The following CORO1C variants were observed in gnomAD, a reference collection of about 807,000 sequenced individuals.
The protein encoded by CORO1C is coronin-1C.
In CORO1C, 14 loss-of-function variants were observed where a neutral mutation model predicts 51.2. The ratio of observed to expected loss-of-function variants is 0.27; its 90% CI spans 0.18 to 0.43. The LOEUF (loss-of-function observed/expected upper bound fraction) is 0.43. Among genes scored for constraint, CORO1C ranks in the 20% least tolerant of loss-of-function variants. CORO1C has a pLI of 1.00. For synonymous variants in CORO1C, 181 were observed against 210.5 expected, an observed-to-expected ratio of 0.86 and a Z score of 1.21; for missense variants, 417 against 607.8, an observed-to-expected ratio of 0.69 and a Z score of 3.30.
intron 2 of CORO1C, among the ~76,000 whole-genome samples, chr12:108,693,737 A>G (rs1346128177): frequency 6.6e-6 from 1 of 152,210 alleles, no homozygotes; most frequent in Non-Finnish European, 1.5e-5. Flanking sequence ...GAATGTGCCT[A>G]CCACCTACTT....
chr12:108,655,404 C>T (rs982994725), intron 6 of CORO1C, among the ~76,000 whole-genome samples: 21 of 150,450 alleles, frequency 1.4e-4, no homozygotes, highest in Non-Finnish European at 2.7e-4. Context: ...TCTCCCTCTC[C>T]CTCTCTTTCC....
intron 1 of CORO1C, among the ~76,000 whole-genome samples, chr12:108,705,459 CAA>C (rs1163703701): frequency 4.1e-4 from 26 of 63,396 alleles, no homozygotes; most frequent in East Asian, 5.7e-4. Flanking sequence ...GACCCTGTCT[CAA>C]AAAAAAAAAA....
At chr12:108,728,498 A>G (rs1182373183) in intron 1 of CORO1C, among the ~76,000 whole-genome samples, 1 of 152,026 alleles carries the variant, frequency 6.6e-6, no homozygotes, top group Non-Finnish European at 1.5e-5. Flanking sequence ...TTTGGGGGGG[A>G]TGAAAATGTT....
At chr12:108,655,679 G>A (rs1016807373) in intron 6 of CORO1C, among the ~76,000 whole-genome samples, 53 of 152,244 alleles carry the variant, frequency 3.5e-4, no homozygotes, top group African/African-American at 1.2e-3. Context: ...CGTTCACTCA[G>A]TGCTCAATGT....
chr12:108,666,592 T>C (rs1397136750), intron 3 of CORO1C, among the ~76,000 whole-genome samples: 4 of 152,198 alleles, frequency 2.6e-5, no homozygotes, highest in East Asian at 1.9e-4. Context: ...CTGATGTTCC[T>C]GCAGCTCAGG....
intron 1 of CORO1C, among the ~76,000 whole-genome samples, chr12:108,704,747 G>T (rs1261952550): frequency 1.3e-5 from 2 of 152,198 alleles, no homozygotes; most frequent in Non-Finnish European, 2.9e-5. Flanking sequence ...TTCTTGCACA[G>T]AATGTCTCAG....
intron 1 of CORO1C, among the ~76,000 whole-genome samples, chr12:108,719,715 G>A (rs76900183): frequency 4.6e-5 from 7 of 152,244 alleles, no homozygotes; most frequent in African/African-American, 1.4e-4. Flanking sequence ...TGACAATAGC[G>A]CATTAAAGGA....
At chr12:108,696,542 A>G (rs2034692223) in intron 2 of CORO1C, 1 of 152,210 alleles carries the variant, frequency 6.6e-6, no homozygotes, top group Admixed American at 6.5e-5. Flanking sequence ...TCCACAAAGG[A>G]AAGGCTTATT....
intron 1 of CORO1C, among the ~76,000 whole-genome samples, chr12:108,726,939 G>A (rs2035607446): frequency 6.6e-6 from 1 of 152,166 alleles, no homozygotes; most frequent in South Asian, 2.1e-4. Flanking sequence ...GCACTTTTTG[G>A]TAAGAGCTGG....
chr12:108,693,829 G>T (rs972732677), intron 2 of CORO1C, among the ~76,000 whole-genome samples: 1 of 151,822 alleles, frequency 6.6e-6, no homozygotes, highest in African/African-American at 2.4e-5. Context: ...TTCATCTTTA[G>T]CTCCTACGCA....
intron 1 of CORO1C, among the ~76,000 whole-genome samples, chr12:108,721,989 AC>A (rs3837483): frequency 0.062 from 9,419 of 152,226 alleles, 534 homozygotes; most frequent in East Asian, 0.32. Context: ...GACAGGAAGA[AC>A]CTTTCTAAAG....
intron 7 of CORO1C, 86 bp downstream of exon 7, chr12:108,654,220 C>A (rs1317620107): frequency 5.8e-6 from 5 of 868,570 alleles, no homozygotes; most frequent in South Asian, 4.3e-5. Context: ...TAAACAGATA[C>A]AACACATTGC....
intron 1 of CORO1C, among the ~76,000 whole-genome samples, chr12:108,705,651 CCAAA>C (rs2035008913): frequency 6.6e-6 from 1 of 151,900 alleles, no homozygotes; most frequent in African/African-American, 2.4e-5. Flanking sequence ...GATACCAAAA[CCAAA>C]CAAAGACATC....
At chr12:108,703,188 A>T (rs1356562569) in intron 1 of CORO1C, 2 of 356,764 alleles carry the variant, frequency 5.6e-6, no homozygotes, top group Non-Finnish European at 1.0e-5. Context: ...AATCCCTACC[A>T]GCATCTTCAA....
rs1255240167 is a variant in CORO1C, at chr12:108,693,251, A to G, written c.195+7873T>C. ...ACCTCACGGTCTTGGACAACCACTCAATTTGGTTTCAATTTCTACAACTGT... is the reference window on the plus strand; with the variant it reads ...ACCTCACGGTCTTGGACAACCACTCGATTTGGTTTCAATTTCTACAACTGT... On this transcript the variant is annotated intron_variant, in intron 2 of 10. Coordinates refer to ENST00000261401, the MANE Select transcript of CORO1C (RefSeq NM_014325.4). Among the ~76,000 whole-genome samples the G allele has an allele frequency of 2.0e-5, 3 of 152,168 alleles. No homozygotes were observed. The East Asian group carries it at 5.8e-4, about 29-fold the overall frequency.
chr12:108,718,645 A>G (rs945145909), intron 1 of CORO1C, among the ~76,000 whole-genome samples: 3 of 152,234 alleles, frequency 2.0e-5, no homozygotes, highest in Non-Finnish European at 4.4e-5. Flanking sequence ...CTATAGAAAT[A>G]GGAAAGTATA....
At chr12:108,711,566 G>A (rs1227570243) in intron 1 of CORO1C, among the ~76,000 whole-genome samples, 1 of 151,862 alleles carries the variant, frequency 6.6e-6, no homozygotes, top group Non-Finnish European at 1.5e-5. Context: ...TGTAATCCCA[G>A]CTATTCGGGA....
At chr12:108,699,954 C>A (rs1188052438) in intron 2 of CORO1C, among the ~76,000 whole-genome samples, 4 of 152,090 alleles carry the variant, frequency 2.6e-5, no homozygotes, top group Non-Finnish European at 5.9e-5. Flanking sequence ...TATAATAAAA[C>A]AAGTTAGTCA....
rs149348526 is a variant in CORO1C at position 108,660,659 on chromosome 12, G to C, written c.448+1370C>G. Among the ~76,000 whole-genome samples the C allele has an allele frequency of 9.2e-4, 140 of 152,266 alleles. 1 individual carries two copies. Among genetic ancestry groups the C allele is most frequent in the Middle Eastern group, 3.4e-3 (1 of 294 alleles). On this transcript the variant is annotated intron_variant, in intron 4 of 10. Coordinates refer to ENST00000261401, the MANE Select transcript of CORO1C (RefSeq NM_014325.4). ...GACAATCACCCATTCTCCTTCACAT[G>C]TAAAAGGGAGAATGCAGACCAGTCT...
Sources: gnomAD v4.1 joint callset for allele counts (sites outside exome capture counted in the v4.1 genomes callset) on GRCh38, gnomAD v4.1.1 for gene constraint, MANE v1.5 for transcripts, NCBI Gene and HGNC (gene_info 2026-07-23, HGNC 2026-07-21) for gene names.